The following PTPN14 variants were observed in gnomAD, a reference collection of about 807,000 sequenced individuals.
PTPN14 encodes tyrosine-protein phosphatase non-receptor type 14.
Under a neutral mutation model 126.8 loss-of-function variants are expected in PTPN14, and 53 were observed. That is an observed-to-expected ratio of 0.42 (90% confidence interval 0.34 to 0.53). PTPN14 has a LOEUF of 0.53. Among genes scored for constraint, PTPN14 ranks in the 20% least tolerant of loss-of-function variants. The probability of loss-of-function intolerance (pLI) is 0.08; values close to 1 mark genes in which losing one functional copy is unlikely to be tolerated. For synonymous variants in PTPN14, 630 were observed against 599.3 expected, an observed-to-expected ratio of 1.05 and a Z score of -0.75; for missense variants, 1,257 against 1,552.9, an observed-to-expected ratio of 0.81 and a Z score of 3.20.
chr1:214,432,933 CT>C (rs1659827137), intron 3 of PTPN14, among the ~76,000 whole-genome samples: 1 of 152,086 alleles, frequency 6.6e-6, no homozygotes, highest in African/African-American at 2.4e-5. Flanking sequence ...TTCTTACAGT[CT>C]CATCTGTCGC....
At chr1:214,377,847 T>G (rs1658378127) in intron 14 of PTPN14, 112 bp downstream of exon 14, 13 of 1,295,834 alleles carry the variant, frequency 1.0e-5, no homozygotes, top group Non-Finnish European at 1.4e-5. Flanking sequence ...AATCTCAGAT[T>G]GAAGAAAGAA....
chr1:214,388,201 T>C (rs1023766398), intron 11 of PTPN14, among the ~76,000 whole-genome samples: 3 of 152,160 alleles, frequency 2.0e-5, no homozygotes, highest in Non-Finnish European at 4.4e-5. Flanking sequence ...GAGCAAGCCA[T>C]TTAACCTCAG....
At chr1:214,362,273 G>A (rs148914860) in intron 18 of PTPN14, among the ~76,000 whole-genome samples, 387 of 152,270 alleles carry the variant, frequency 2.5e-3, no homozygotes, top group Middle Eastern at 0.01. Flanking sequence ...AGATAAGACT[G>A]GCTATATTTG....
At position 214,383,548 on chromosome 1, in the gene PTPN14, G is replaced by A; in HGVS notation, c.2307C>T (p.Ala769=). 6.2e-7 allele frequency: 1 copy of A among 1,613,932 alleles called. No homozygotes were observed. The highest frequency in any genetic ancestry group is 1.1e-5 in the South Asian group (1 of 91,074). ...VSNGALRQDQ[A]SLPPAMARAR... ...CTCTGGCCATGGCGGGAGGAAGGCTGGCTTGGTCCTGCCTCAGAGCCCCAT... is the reference window on the plus strand; with the variant it reads ...CTCTGGCCATGGCGGGAGGAAGGCTAGCTTGGTCCTGCCTCAGAGCCCCAT... The change falls in exon 13 of 19, where the codon GCC becomes GCT. Residue 769 remains alanine (A), a synonymous_variant. Coordinates refer to ENST00000366956, the MANE Select transcript of PTPN14 (RefSeq NM_005401.5). This position sits in a 1 kb window ranked among gnomAD's most constrained non-coding sequence, Gnocchi z 4.4.
chr1:214,395,588 A>AACAC (rs57357032), intron 8 of PTPN14, among the ~76,000 whole-genome samples: 13,431 of 132,408 alleles, frequency 0.1, 765 homozygotes, highest in Middle Eastern at 0.13. Context: ...GGGACCCAAC[A>AACAC]ACACACACAC....
intron 2 of PTPN14, among the ~76,000 whole-genome samples, chr1:214,463,771 T>C (rs1660564965): frequency 6.6e-6 from 1 of 152,180 alleles, no homozygotes; most frequent in Admixed American, 6.5e-5. Context: ...AGCTTTTCCT[T>C]GCCCTCAGGA....
At chr1:214,474,910 A>G (rs1660834817) in intron 1 of PTPN14, among the ~76,000 whole-genome samples, 1 of 152,190 alleles carries the variant, frequency 6.6e-6, no homozygotes, top group African/African-American at 2.4e-5. Context: ...GCAGGTTTTC[A>G]TTTTTGACCT....
At chr1:214,498,791 A>T (rs891659833) in intron 1 of PTPN14, among the ~76,000 whole-genome samples, 2 of 151,534 alleles carry the variant, frequency 1.3e-5, no homozygotes, top group South Asian at 2.1e-4. Flanking sequence ...ACCCTTTAAA[A>T]TTTTTTTTTC....
At position 214,411,182 on chromosome 1, in the gene PTPN14, A is replaced by AT. The variant is rs369235597; in HGVS notation, c.510+501dup. Among the ~76,000 whole-genome samples the AT allele has an allele frequency of 7.2e-3, 1,093 of 150,902 alleles. 12 individuals are homozygous for AT. The highest frequency in any genetic ancestry group is 0.024 in the African/African-American group (1,006 of 41,224). ...TCCTCAGTTAAATTTACTCCTAGGT[A>AT]TTTTTTTTTAATGCTATTGTAAATG... is the stretch of plus-strand genomic sequence containing the variant. On this transcript the variant is annotated intron_variant, in intron 5 of 18. Coordinates refer to ENST00000366956, the MANE Select transcript of PTPN14 (RefSeq NM_005401.5).
intron 1 of PTPN14, among the ~76,000 whole-genome samples, chr1:214,493,848 T>C (rs186593396): frequency 1.3e-5 from 2 of 152,170 alleles, no homozygotes; most frequent in Non-Finnish European, 2.9e-5. Flanking sequence ...TTGGCATCTA[T>C]CAAAAAAAAG....
intron 3 of PTPN14, among the ~76,000 whole-genome samples, chr1:214,436,358 T>A (rs1359481540): frequency 6.6e-6 from 1 of 152,094 alleles, no homozygotes; most frequent in Non-Finnish European, 1.5e-5. Flanking sequence ...ACAATTTACC[T>A]ATATAACAAA....
intron 1 of PTPN14, among the ~76,000 whole-genome samples, chr1:214,490,790 T>C (rs561112055): frequency 7.1e-6 from 1 of 141,792 alleles, no homozygotes; most frequent in Non-Finnish European, 1.5e-5. Context: ...TGAGCCGAGA[T>C]TGCGCCACTG....
chr1:214,532,967 G>T lies in PTPN14; in HGVS notation c.-155+18216C>A. On this transcript the variant is annotated intron_variant, in intron 1 of 18. Coordinates refer to ENST00000366956, the MANE Select transcript of PTPN14 (RefSeq NM_005401.5). ...TATGACAAGCTGGCTCGGAAGAACC[G>T]AGAGGAGCTGGACAAGTGCTGGTCT... 3.9e-6 allele frequency: 3 copies of T among 775,026 alleles called. No homozygotes were observed. In the South Asian group the frequency reaches 4.1e-5, roughly 10 times the overall value. The allele number at this position is 775,026 out of a possible 1,614,324, so 48.0% of individuals were successfully genotyped here.
chr1:214,420,252 A>G (rs991179919), intron 3 of PTPN14, among the ~76,000 whole-genome samples: 1 of 152,254 alleles, frequency 6.6e-6, no homozygotes, highest in South Asian at 2.1e-4. Context: ...GCTTTTTCAT[A>G]CTATAAGCTA....
intron 1 of PTPN14, among the ~76,000 whole-genome samples, chr1:214,519,636 C>T (rs1053675939): frequency 6.6e-6 from 1 of 152,156 alleles, no homozygotes; most frequent in East Asian, 1.9e-4. Flanking sequence ...TAGAGATAAT[C>T]GCTTGCATAT....
Position 214,356,929 on chromosome 1 carries a change from T to C in PTPN14, c.*993A>G, listed in dbSNP as rs932474952. On this transcript the variant is annotated 3_prime_UTR_variant, in exon 19 of 19. Coordinates refer to ENST00000366956, the MANE Select transcript of PTPN14 (RefSeq NM_005401.5). ...GTCTCTGTCCAGCACACACATCTTA[T>C]TTAAATAAAAAACAATGATCATCAA... 6.6e-6 allele frequency: 1 copy of C among 152,204 alleles called. No homozygotes were observed. The highest frequency in any genetic ancestry group is 1.5e-5 in the Non-Finnish European group (1 of 68,048). The allele number at this position is 152,204 out of a possible 1,614,324, so 9.4% of individuals were successfully genotyped here. A position where few individuals can be genotyped will look rare whatever the true frequency, so the allele number is the denominator to read the frequency against.
intron 3 of PTPN14, among the ~76,000 whole-genome samples, chr1:214,424,333 T>C (rs929012780): frequency 6.6e-6 from 1 of 151,548 alleles, no homozygotes; most frequent in African/African-American, 2.4e-5. Flanking sequence ...GTAACCCATA[T>C]TAAAAGAACG....
chr1:214,515,736 C>T (rs1167573101), intron 1 of PTPN14, among the ~76,000 whole-genome samples: 1 of 151,816 alleles, frequency 6.6e-6, no homozygotes, highest in Non-Finnish European at 1.5e-5. Context: ...TTCTGAATTT[C>T]GTCTTAGCAT....
Position 214,384,102 on chromosome 1 carries a change from G to A in PTPN14, c.1753C>T (p.His585Tyr). 6.4e-7 allele frequency: 1 copy of A among 1,573,252 alleles called. No individual in the cohort carries two copies. Among genetic ancestry groups the A allele is most frequent in the Non-Finnish European group, 8.6e-7 (1 of 1,162,492 alleles). ...CTGCCGCTGACGTACTTGTGGCGGT[G>A]GCTGGCCAGGTCTGGGGTGCTGGTG... ...PATSTPDLASHRHKYVSGSSP... is the reference protein window; with the variant it reads ...PATSTPDLASYRHKYVSGSSP... Residue 585 changes from histidine (H) to tyrosine (Y), a missense_variant, in exon 13 of 19, where the codon CAC (histidine) becomes TAC (tyrosine). Coordinates refer to ENST00000366956, the MANE Select transcript of PTPN14 (RefSeq NM_005401.5). The surrounding 1 kb of genome is among the most constrained non-coding windows in gnomAD (Gnocchi z 5.3).
Sources: gnomAD v4.1 joint callset for allele counts (sites outside exome capture counted in the v4.1 genomes callset) on GRCh38, gnomAD v4.1.1 for gene constraint, Gnocchi (gnomAD v3.1) non-coding constraint, MANE v1.5 for transcripts, NCBI Gene and HGNC (gene_info 2026-07-23, HGNC 2026-07-21) for gene names.